CNR2: variants seen among roughly 807,000 people sequenced by gnomAD.
The protein encoded by CNR2 is cannabinoid receptor 2 (macrophage).
For synonymous variants in CNR2, 172 were observed against 182.2 expected, an observed-to-expected ratio of 0.94 and a Z score of 0.45; for missense variants, 379 against 439.9, an observed-to-expected ratio of 0.86 and a Z score of 1.24.
At chr1:23,901,298 C>A (rs1640394336) in intron 1 of CNR2, among the ~76,000 whole-genome samples, 1 of 152,134 alleles carries the variant, frequency 6.6e-6, no homozygotes, top group South Asian at 2.1e-4. Context: ...AGACTCCAAT[C>A]CCCCAGCTCT....
chr1:23,901,272 G>A (rs1242002011), intron 1 of CNR2, among the ~76,000 whole-genome samples: 3 of 152,094 alleles, frequency 2.0e-5, no homozygotes, highest in African/African-American at 7.2e-5. Context: ...GCACCCCAGT[G>A]TACCAGAGAT....
intron 1 of CNR2, among the ~76,000 whole-genome samples, chr1:23,889,438 T>G (rs1465875650): frequency 6.6e-6 from 1 of 152,156 alleles, no homozygotes. Flanking sequence ...TGCTACTGAG[T>G]GACTTTAGGC....
At chr1:23,892,653 G>T (rs1477330595) in intron 1 of CNR2, among the ~76,000 whole-genome samples, 2 of 152,074 alleles carry the variant, frequency 1.3e-5, no homozygotes, top group Non-Finnish European at 2.9e-5. Flanking sequence ...TCCTTTTAGT[G>T]GTTTCTAATG....
chr1:23,910,903 G>A (rs763668485), intron 1 of CNR2, among the ~76,000 whole-genome samples: 23 of 152,154 alleles, frequency 1.5e-4, no homozygotes, highest in East Asian at 3.9e-4. Flanking sequence ...AACCCACAGC[G>A]CAGGACTCTC....
At chr1:23,885,128 A>T (rs1317131903) in intron 1 of CNR2, among the ~76,000 whole-genome samples, 1 of 152,114 alleles carries the variant, frequency 6.6e-6, no homozygotes, top group African/African-American at 2.4e-5. Context: ...GGCTGGGTAC[A>T]GTGGCTCACA....
intron 1 of CNR2, among the ~76,000 whole-genome samples, chr1:23,885,025 C>T (rs1372390421): frequency 6.6e-6 from 1 of 152,124 alleles, no homozygotes; most frequent in Admixed American, 6.6e-5. Context: ...TGGTCTTGAA[C>T]TCCTGACCTC....
intron 1 of CNR2, among the ~76,000 whole-genome samples, chr1:23,882,541 T>C (rs1259798827): frequency 1.3e-5 from 2 of 151,266 alleles, no homozygotes; most frequent in Non-Finnish European, 2.9e-5. Flanking sequence ...TGCGGTGGCT[T>C]ACACCTGTAA....
At chr1:23,881,200 C>T (rs1639981029) in intron 1 of CNR2, among the ~76,000 whole-genome samples, 1 of 151,156 alleles carries the variant, frequency 6.6e-6, no homozygotes, top group South Asian at 2.1e-4. Flanking sequence ...CGCTTGAACC[C>T]AGGAGGCGGA....
At chr1:23,892,313 G>T (rs1017899967) in intron 1 of CNR2, among the ~76,000 whole-genome samples, 4 of 152,166 alleles carry the variant, frequency 2.6e-5, no homozygotes. Context: ...CCCAGGGGAG[G>T]TTTATTGATA....
intron 1 of CNR2, among the ~76,000 whole-genome samples, chr1:23,894,651 T>A (rs146886023): frequency 0.81 from 107,114 of 131,554 alleles, 43,831 homozygotes; most frequent in South Asian, 0.83. Context: ...TAAATAATAA[T>A]AATAAAAAAA....
intron 1 of CNR2, among the ~76,000 whole-genome samples, chr1:23,893,286 A>AG (rs1321113202): frequency 2.0e-5 from 3 of 152,150 alleles, no homozygotes; most frequent in Non-Finnish European, 2.9e-5. Flanking sequence ...TGGGCAGAGC[A>AG]GAGCTAAATG....
At chr1:23,890,310 T>C (rs563234871) in intron 1 of CNR2, among the ~76,000 whole-genome samples, 6 of 150,954 alleles carry the variant, frequency 4.0e-5, no homozygotes, top group Non-Finnish European at 7.4e-5. Context: ...AAAAGGATTC[T>C]GTCCTCCAGC....
At position 23,902,454 on chromosome 1, in the gene CNR2, T is replaced by A. The variant is rs529278633; in HGVS notation, c.-46+10792A>T. 11 of 1,595,624 alleles carry A rather than the reference T, an allele frequency of 6.9e-6. No homozygotes were observed. The East Asian group carries it at 2.5e-4, about 36-fold the overall frequency. On this transcript the variant is annotated intron_variant, in intron 1 of 1. Coordinates refer to ENST00000374472, the MANE Select transcript of CNR2 (RefSeq NM_001841.3). ...TGGGACGATGTACTTCTTAGCAGCC[T>A]ACAGAGTGGCCAGCACCGTATCCGC... is the stretch of plus-strand genomic sequence containing the variant.
intron 1 of CNR2, among the ~76,000 whole-genome samples, chr1:23,878,595 G>A (rs989926513): frequency 2.6e-5 from 4 of 152,078 alleles, no homozygotes; most frequent in Non-Finnish European, 5.9e-5. Flanking sequence ...GCCAGGCTGG[G>A]CTTGAACTCC....
chr1:23,888,580 G>A (rs981399200), intron 1 of CNR2, among the ~76,000 whole-genome samples: 1 of 152,080 alleles, frequency 6.6e-6, no homozygotes, highest in Non-Finnish European at 1.5e-5. Context: ...AAGAATCACC[G>A]ATGCATGCAA....
intron 1 of CNR2, among the ~76,000 whole-genome samples, chr1:23,898,479 C>A (rs1177530534): frequency 4.8e-5 from 7 of 145,066 alleles, no homozygotes; most frequent in Non-Finnish European, 1.1e-4. Context: ...GCAGCTGGGA[C>A]TACAGGCGCC....
chr1:23,874,694 G>A lies in CNR2; in HGVS notation c.924C>T (p.Ser308=), dbSNP rs1161829842. 3 of 1,614,096 alleles carry A rather than the reference G, an allele frequency of 1.9e-6. No homozygotes were observed. The highest frequency in any genetic ancestry group is 2.2e-5 in the East Asian group (1 of 44,896). Residue 308 remains serine, a synonymous_variant, in exon 2 of 2, where the codon TCC becomes TCT. Transcript: ENST00000374472. ...AGTGAGCCAGGCAGTGATGGGCAGAGGAGCGGATCTCTCCACTCCGTAGAG... is the reference window on the plus strand; with the variant it reads ...AGTGAGCCAGGCAGTGATGGGCAGAAGAGCGGATCTCTCCACTCCGTAGAG... The part of the protein sequence containing the change: ...IYALRSGEIR[S]SAHHCLAHWK...
In CNR2 at chr1:23,873,067, A is replaced by G. The variant is rs972443089; in HGVS notation, c.*1468T>C. The G allele has an allele frequency of 1.3e-5, 2 of 152,156 alleles. No individual in the cohort carries two copies. The highest frequency in any genetic ancestry group is 4.8e-5 in the African/African-American group (2 of 41,428). The allele number at this position is 152,156 out of a possible 1,614,324, so 9.4% of individuals were successfully genotyped here. On this transcript the variant is annotated 3_prime_UTR_variant, in exon 2 of 2. Transcript: ENST00000374472. ...TATTTTGTCTTGAAAGTATTAAACGAAGACATGTTTAACCAATATCTTTCA... is the reference window on the plus strand; with the variant it reads ...TATTTTGTCTTGAAAGTATTAAACGGAGACATGTTTAACCAATATCTTTCA...
At chr1:23,879,172 T>C (rs1639937398) in intron 1 of CNR2, among the ~76,000 whole-genome samples, 1 of 152,138 alleles carries the variant, frequency 6.6e-6, no homozygotes, top group African/African-American at 2.4e-5. Flanking sequence ...TGTGCACCTG[T>C]AGTCCCAGCT....
Sources: allele counts gnomAD v4.1 joint callset (sites outside exome capture counted in the v4.1 genomes callset), GRCh38; gene constraint gnomAD v4.1.1; transcripts MANE v1.5; gene names NCBI Gene and HGNC (gene_info 2026-07-23, HGNC 2026-07-21).